EDAR: variants seen among roughly 807,000 people sequenced by gnomAD.
EDAR encodes tumor necrosis factor receptor superfamily member EDAR.
EDAR carries 38 observed loss-of-function variants against 51.3 expected under a neutral mutation model. That is an observed-to-expected ratio of 0.74 (90% CI 0.57 to 0.97). EDAR has a LOEUF of 0.97. EDAR is among the 50% of genes least tolerant of loss of function. EDAR has a pLI of 0.00. For synonymous variants in EDAR, 227 were observed against 242.1 expected, an observed-to-expected ratio of 0.94 and a Z score of 0.58; for missense variants, 528 against 595.0, an observed-to-expected ratio of 0.89 and a Z score of 1.17.
intron 1 of EDAR, among the ~76,000 whole-genome samples, chr2:108,943,289 G>C (rs897103649): frequency 6.6e-6 from 1 of 152,198 alleles, no homozygotes; most frequent in Non-Finnish European, 1.5e-5. Flanking sequence ...GACTCCAAAG[G>C]GCTCTGCTGC....
At chr2:108,952,546 T>G (rs1464831237) in intron 1 of EDAR, among the ~76,000 whole-genome samples, 1 of 152,250 alleles carries the variant, frequency 6.6e-6, no homozygotes, top group African/African-American at 2.4e-5. Flanking sequence ...TACTTTTCAC[T>G]TCTAGGATTT....
At chr2:108,941,895 GCAGGTGGGAGCTTAT>G (rs1697605613) in intron 1 of EDAR, among the ~76,000 whole-genome samples, 1 of 151,860 alleles carries the variant, frequency 6.6e-6, no homozygotes, top group African/African-American at 2.4e-5. Context: ...GTGCCCGACA[GCAGGTGGGAGCTTAT>G]CAGGTCACAG....
intron 5 of EDAR, among the ~76,000 whole-genome samples, chr2:108,920,536 C>T (rs747189252): frequency 5.9e-5 from 9 of 152,088 alleles, no homozygotes; most frequent in Admixed American, 1.3e-4. Context: ...CTCTTTTCAC[C>T]GGGCTACAGG....
intron 1 of EDAR, among the ~76,000 whole-genome samples, chr2:108,988,498 C>T (rs1420499576): frequency 1.1e-4 from 17 of 152,168 alleles, no homozygotes; most frequent in East Asian, 3.9e-4. Context: ...GTCTCAGACA[C>T]GACTGGAAAC....
intron 1 of EDAR, among the ~76,000 whole-genome samples, chr2:108,970,605 A>C (rs1698217596): frequency 6.6e-6 from 1 of 152,142 alleles, no homozygotes; most frequent in Non-Finnish European, 1.5e-5. Flanking sequence ...AGGGTGGGGC[A>C]GGGGACCAAG....
rs1406532090 is a variant in EDAR at position 108,912,429 on chromosome 2, G to A, written c.529+249C>T. Among the ~76,000 whole-genome samples the A allele has an allele frequency of 3.9e-5, 6 of 152,120 alleles. No individual in the cohort carries two copies. In the East Asian group the frequency reaches 7.7e-4, roughly 20 times the overall value. Reference sequence around the variant, plus strand: ...CAGCTGCCTGTGCTGTCCACCTGCCGCTATGCCCCCGCCTTCACCACCAGC... The same window carrying A: ...CAGCTGCCTGTGCTGTCCACCTGCCACTATGCCCCCGCCTTCACCACCAGC... On this transcript the variant is annotated intron_variant, in intron 6 of 11. Coordinates refer to ENST00000258443, the MANE Select transcript of EDAR (RefSeq NM_022336.4).
chr2:108,929,179 C>G lies in EDAR; in HGVS notation c.356+19G>C, dbSNP rs753781812. The stretch of plus-strand genomic sequence containing the variant: ...CTGCAGAAAGCATGCCAGGGTTTGC[C>G]AGGAGGGCCTGTGCTTACCCAGGGA... On this transcript the variant is annotated intron_variant, in intron 4 of 11. Coordinates refer to ENST00000258443, the MANE Select transcript of EDAR (RefSeq NM_022336.4). 2 of 1,613,654 alleles carry G rather than the reference C, an allele frequency of 1.2e-6. No individual in the cohort carries two copies. The highest frequency in any genetic ancestry group is 1.7e-6 in the Non-Finnish European group (2 of 1,179,982).
chr2:108,936,224 G>C (rs989254077), intron 1 of EDAR, among the ~76,000 whole-genome samples: 4 of 152,240 alleles, frequency 2.6e-5, no homozygotes, highest in African/African-American at 9.6e-5. Flanking sequence ...GCTGTGGGAA[G>C]CCTTGGCAGG....
At chr2:108,968,291 TCAA>T (rs1250715383) in intron 1 of EDAR, among the ~76,000 whole-genome samples, 23 of 152,320 alleles carry the variant, frequency 1.5e-4, no homozygotes, top group Admixed American at 7.2e-4. Flanking sequence ...CAGACATACT[TCAA>T]CATTTAAGAT....
At chr2:108,926,742 G>A (rs966087435) in intron 4 of EDAR, among the ~76,000 whole-genome samples, 2 of 152,250 alleles carry the variant, frequency 1.3e-5, no homozygotes, top group Non-Finnish European at 2.9e-5. Context: ...ACACTGTGGG[G>A]AGGGCGGAGC....
chr2:108,910,551 G>A lies in EDAR; in HGVS notation c.731-19C>T. The A allele has an allele frequency of 9.3e-6, 15 of 1,604,884 alleles. No individual in the cohort carries two copies. Among genetic ancestry groups the A allele is most frequent in the African/African-American group, 1.3e-5 (1 of 74,822 alleles). ...ACGTTGTCTGCAGGGAAATGGGGAG[G>A]TTGGGGAGATAGGAGTTAGAATTGG... is the stretch of plus-strand genomic sequence containing the variant. On this transcript the variant is annotated intron_variant, in intron 8 of 11. Coordinates refer to ENST00000258443, the MANE Select transcript of EDAR (RefSeq NM_022336.4).
intron 1 of EDAR, among the ~76,000 whole-genome samples, chr2:108,951,730 TC>T (rs1287328006): frequency 2.6e-5 from 4 of 152,152 alleles, no homozygotes; most frequent in African/African-American, 9.7e-5. Flanking sequence ...TTCTTCCATT[TC>T]TGCGAGTCCA....
chr2:108,926,474 C>T (rs114452046), intron 4 of EDAR, among the ~76,000 whole-genome samples: 5,099 of 152,234 alleles, frequency 0.033, 114 homozygotes, highest in Non-Finnish European at 0.05. Context: ...TAAGGGACGC[C>T]GCAGATTCCC....
At chr2:108,958,641 G>A (rs1697972989) in intron 1 of EDAR, among the ~76,000 whole-genome samples, 1 of 152,218 alleles carries the variant, frequency 6.6e-6, no homozygotes, top group Admixed American at 6.5e-5. Context: ...GGCAGAGCCA[G>A]GAGTCAGTCT....
intron 1 of EDAR, among the ~76,000 whole-genome samples, chr2:108,985,797 C>T (rs1325273777): frequency 7.2e-5 from 11 of 152,206 alleles, no homozygotes; most frequent in Admixed American, 5.2e-4. Context: ...TGAGCAGCCC[C>T]CTTGTCCCTA....
intron 4 of EDAR, among the ~76,000 whole-genome samples, chr2:108,925,280 G>A (rs541776510): frequency 1.7e-4 from 26 of 152,354 alleles, no homozygotes; most frequent in African/African-American, 6.3e-4. Flanking sequence ...GTTCTTCTCC[G>A]TGGAACTTTG....
At chr2:108,929,132 G>T in intron 4 of EDAR, 66 bp downstream of exon 4, 1 of 1,584,494 alleles carries the variant, frequency 6.3e-7, no homozygotes, top group Non-Finnish European at 8.6e-7. Flanking sequence ...CAAGGTCCTT[G>T]CCCGTAGCCC....
Position 108,906,328 on chromosome 2 carries a change from T to C in EDAR, c.1004A>G (p.Asn335Ser), listed in dbSNP as rs143635489. ...CTTACCTTCCACGACTCCACACACG[T>C]TGGCATACACATCGAGGATCTTTTT... ...RRKKILDVYA[N>S]VCGVVEGLSP... Residue 335 changes from asparagine (N) to serine (S), a missense_variant, in exon 11 of 12, where the codon AAC becomes AGC. Coordinates refer to ENST00000258443, the MANE Select transcript of EDAR (RefSeq NM_022336.4). 24 of 1,614,224 alleles carry C rather than the reference T, an allele frequency of 1.5e-5. No individual in the cohort carries two copies. The highest frequency in any genetic ancestry group is 2.0e-5 in the Non-Finnish European group (24 of 1,180,040).
chr2:108,970,540 C>G (rs1043700627), intron 1 of EDAR, among the ~76,000 whole-genome samples: 2 of 151,920 alleles, frequency 1.3e-5, no homozygotes, highest in African/African-American at 2.4e-5. Context: ...GCCCAGGGAG[C>G]CTGACTGGGC....
Sources: allele counts gnomAD v4.1 joint callset (sites outside exome capture counted in the v4.1 genomes callset), GRCh38; gene constraint gnomAD v4.1.1; transcripts MANE v1.5; gene names NCBI Gene and HGNC (gene_info 2026-07-23, HGNC 2026-07-21).